ZFAT: variants seen among roughly 807,000 people sequenced by gnomAD.
ZFAT encodes zinc finger protein ZFAT.
ZFAT carries 64 observed loss-of-function variants against 117.7 expected under a neutral mutation model. That is an observed-to-expected ratio of 0.54 (90% CI 0.44 to 0.67). ZFAT has a LOEUF of 0.67. ZFAT is among the 30% of genes least tolerant of loss of function. The pLI, the probability that ZFAT is intolerant of heterozygous loss-of-function variation, is 0.00. For synonymous variants in ZFAT, 679 were observed against 615.0 expected, an observed-to-expected ratio of 1.10 and a Z score of -1.54; for missense variants, 1,433 against 1,584.5, an observed-to-expected ratio of 0.90 and a Z score of 1.62.
chr8:134,568,578 T>C (rs532259135), intron 10 of ZFAT, among the ~76,000 whole-genome samples: 36 of 152,244 alleles, frequency 2.4e-4, no homozygotes, highest in African/African-American at 8.4e-4. Context: ...GATTAAGAGC[T>C]AAAAAAGAGT....
chr8:134,727,309 C>A, the ZFAT span, among the ~76,000 whole-genome samples: 1 of 152,096 alleles, frequency 6.6e-6, no homozygotes, highest in African/African-American at 2.4e-5. Flanking sequence ...GAAAAGTGAT[C>A]TAGATGGAGG....
the ZFAT span, among the ~76,000 whole-genome samples, chr8:134,724,414 T>G: frequency 1.3e-5 from 2 of 152,142 alleles, no homozygotes; most frequent in Non-Finnish European, 1.5e-5. Flanking sequence ...GGTTACTCCT[T>G]TAATTTTAGA....
At chr8:134,737,134 G>T in the ZFAT span, among the ~76,000 whole-genome samples, 5 of 152,040 alleles carry the variant, frequency 3.3e-5, no homozygotes, top group South Asian at 1.0e-3. Context: ...TACAAAATTA[G>T]CTGGACGTGG....
chr8:134,771,528 A>G, the ZFAT span, among the ~76,000 whole-genome samples: 1 of 152,290 alleles, frequency 6.6e-6, no homozygotes, highest in South Asian at 2.1e-4. Flanking sequence ...CAAGTTCTTC[A>G]TTTCTATCTG....
the ZFAT span, among the ~76,000 whole-genome samples, chr8:134,760,774 G>A: frequency 1.3e-5 from 2 of 152,182 alleles, no homozygotes; most frequent in Non-Finnish European, 2.9e-5. Flanking sequence ...CAGTCTAATT[G>A]GTGAAGGAAG....
At chr8:134,817,514 C>T in the ZFAT span, among the ~76,000 whole-genome samples, 1 of 151,702 alleles carries the variant, frequency 6.6e-6, no homozygotes, top group African/African-American at 2.4e-5. Context: ...AAAAGACTTG[C>T]ATCCTATAAA....
the ZFAT span, among the ~76,000 whole-genome samples, chr8:134,820,662 C>A: frequency 6.6e-6 from 1 of 152,192 alleles, no homozygotes; most frequent in Non-Finnish European, 1.5e-5. Flanking sequence ...AATATCTGCT[C>A]AAACATGGGA....
intron 2 of ZFAT, among the ~76,000 whole-genome samples, chr8:134,653,281 A>G (rs1277221112): frequency 2.2e-5 from 3 of 135,030 alleles, no homozygotes; most frequent in Non-Finnish European, 5.0e-5. Flanking sequence ...AAAAAAAAAA[A>G]AAAAAAAAAA....
chr8:134,487,635 G>T (rs1465931090), intron 15 of ZFAT, among the ~76,000 whole-genome samples: 8 of 152,168 alleles, frequency 5.3e-5, no homozygotes, highest in Admixed American at 6.5e-5. Flanking sequence ...ACTCAATTTT[G>T]GTTCCTGAAC....
the ZFAT span, among the ~76,000 whole-genome samples, chr8:134,771,071 T>C: frequency 6.6e-6 from 1 of 152,220 alleles, no homozygotes; most frequent in Non-Finnish European, 1.5e-5. Context: ...CCTTGTGATA[T>C]TCTAATACCC....
the ZFAT span, chr8:134,784,645 A>C: frequency 6.6e-6 from 1 of 152,178 alleles, no homozygotes; most frequent in Admixed American, 6.5e-5. Flanking sequence ...TTCATATAAA[A>C]AGAAAGGACC....
chr8:134,831,235 G>C, the ZFAT span, among the ~76,000 whole-genome samples: 1 of 152,134 alleles, frequency 6.6e-6, no homozygotes, highest in Non-Finnish European at 1.5e-5. Context: ...TTAGAATTTT[G>C]TGTATATTAT....
At position 134,602,072 on chromosome 8, in the gene ZFAT, C is replaced by T. The variant is rs776978202; in HGVS notation, c.1647G>A (p.Pro549=). 82 of 1,610,772 alleles carry T rather than the reference C, an allele frequency of 5.1e-5. 1 individual carries two copies. In the East Asian group the frequency reaches 9.6e-4, roughly 19 times the overall value. Residue 549 remains proline (P), a synonymous_variant, in exon 6 of 16, where the codon CCG becomes CCA. Coordinates refer to ENST00000377838, the MANE Select transcript of ZFAT (RefSeq NM_020863.4). ...DTQLEEGRKE[P]EAPGEMPAPA... ...GGGCAGGCATTTCCCCAGGGGCCTCCGGCTCCTTCCGGCCCTCCTCCAGCT... is the reference window on the plus strand; with the variant it reads ...GGGCAGGCATTTCCCCAGGGGCCTCTGGCTCCTTCCGGCCCTCCTCCAGCT...
chr8:134,571,956 C>T (rs1228813509), intron 10 of ZFAT, among the ~76,000 whole-genome samples: 10 of 152,160 alleles, frequency 6.6e-5, no homozygotes, highest in Non-Finnish European at 2.9e-5. Context: ...CCATCCCGCT[C>T]CTGGAAATGT....
intron 7 of ZFAT, chr8:134,600,147 GACTTT>G (rs1827291688): frequency 2.2e-6 from 1 of 454,208 alleles, no homozygotes; most frequent in South Asian, 2.4e-5. Context: ...GAGAAATTCT[GACTTT>G]ACTTCTACTC....
chr8:134,495,575 C>A (rs1345472060), intron 15 of ZFAT, among the ~76,000 whole-genome samples: 8 of 152,182 alleles, frequency 5.3e-5, no homozygotes, highest in Admixed American at 5.2e-4. Flanking sequence ...GAGCCACAAT[C>A]ATGTTAATTT....
Position 134,478,659 on chromosome 8 carries a change from C to A in ZFAT, c.3555G>T (p.Ala1185=), listed in dbSNP as rs188324571. The A allele has an allele frequency of 2.5e-6, 4 of 1,583,026 alleles. No individual in the cohort carries two copies. The South Asian group carries it at 4.6e-5, about 18-fold the overall frequency. The change falls in exon 16 of 16, where the codon GCG becomes GCT. Residue 1185 remains alanine, a synonymous_variant. Coordinates refer to ENST00000377838, the MANE Select transcript of ZFAT (RefSeq NM_020863.4). This position sits in a 1 kb window ranked among gnomAD's most constrained non-coding sequence, Gnocchi z 5.2. The stretch of plus-strand genomic sequence containing the variant: ...GGTGCTGCTCGGCAAGCTCCACGGA[C>A]GCTTGCTGGACCGTCTCCTGGATCA... The part of the protein sequence containing the change: ...TVMIQETVQQ[A]SVELAEQHHL...
chr8:134,655,273 G>A (rs1302892677), intron 2 of ZFAT, among the ~76,000 whole-genome samples: 2 of 152,160 alleles, frequency 1.3e-5, no homozygotes, highest in East Asian at 1.9e-4. Context: ...GGTGGAAGTC[G>A]GAAAATGCAC....
intron 1 of ZFAT, among the ~76,000 whole-genome samples, chr8:134,665,185 G>T (rs1052626907): frequency 1.3e-5 from 2 of 152,200 alleles, no homozygotes; most frequent in African/African-American, 2.4e-5. Flanking sequence ...CATAGGCCCT[G>T]AGGGGGAGAC....
Sources: gnomAD v4.1 joint callset for allele counts (sites outside exome capture counted in the v4.1 genomes callset) on GRCh38, gnomAD v4.1.1 for gene constraint, Gnocchi (gnomAD v3.1) non-coding constraint, MANE v1.5 for transcripts, NCBI Gene and HGNC (gene_info 2026-07-23, HGNC 2026-07-21) for gene names.